The following CNNM2 variants were observed in gnomAD, a reference collection of about 807,000 sequenced individuals.
CNNM2 encodes cyclin and CBS domain divalent metal cation transport mediator 2.
In CNNM2, 12 loss-of-function variants were observed where a neutral mutation model predicts 66.9. The ratio of observed to expected loss-of-function variants is 0.18; its 90% CI spans 0.11 to 0.29. The LOEUF is 0.29. CNNM2 is among the 10% of genes least tolerant of loss of function. The pLI is 1.00. For missense variants in CNNM2, 705 were observed against 1,167.7 expected, an observed-to-expected ratio of 0.60 and a Z score of 5.77; for synonymous variants, 557 against 501.8, an observed-to-expected ratio of 1.11 and a Z score of -1.47.
intron 4 of CNNM2, among the ~76,000 whole-genome samples, chr10:103,058,712 G>A (rs1017081053): frequency 6.6e-6 from 1 of 152,140 alleles, no homozygotes; most frequent in African/African-American, 2.4e-5. Context: ...ATGCCATGGG[G>A]GTTTTACAAG....
chr10:102,971,492 G>A (rs192196916), intron 1 of CNNM2, among the ~76,000 whole-genome samples: 8 of 152,086 alleles, frequency 5.3e-5, no homozygotes, highest in Non-Finnish European at 1.2e-4. Context: ...CTTACTTGTC[G>A]CCATTATTAG....
chr10:103,025,926 A>G (rs1044160952), intron 1 of CNNM2, among the ~76,000 whole-genome samples: 8 of 152,196 alleles, frequency 5.3e-5, no homozygotes, highest in African/African-American at 1.9e-4. Flanking sequence ...CAATGCAAAC[A>G]CTGGGAGATG....
At chr10:102,927,513 A>G (rs1845912592) in intron 1 of CNNM2, 1 of 1,534,330 alleles carries the variant, frequency 6.5e-7, no homozygotes, top group Non-Finnish European at 8.8e-7. Flanking sequence ...TAATCCCGGC[A>G]CTTTGGGAGG....
Position 102,992,014 on chromosome 10 carries a change from C to T in CNNM2, c.1622-57693C>T, listed in dbSNP as rs548889783. 2.5e-3 allele frequency among the ~76,000 whole-genome samples: 388 copies of T among 152,226 alleles called. 4 individuals carry two copies. Among genetic ancestry groups the T allele is most frequent in the Non-Finnish European group, 4.1e-3 (281 of 68,006 alleles). ...TTTTCTCTATATACATTTGCATTTA[C>T]ATTACCTGTATGTACTATACATACA... On this transcript the variant is annotated intron_variant, in intron 1 of 7. Coordinates refer to ENST00000369878, the MANE Select transcript of CNNM2 (RefSeq NM_017649.5).
chr10:103,015,034 C>G (rs992921621), intron 1 of CNNM2, among the ~76,000 whole-genome samples: 1 of 152,142 alleles, frequency 6.6e-6, no homozygotes, highest in Non-Finnish European at 1.5e-5. Flanking sequence ...GTCAAATAGT[C>G]TCTTAAGAAT....
Position 102,919,614 on chromosome 10 carries a change from C to T in CNNM2, c.1134C>T (p.Leu378=), listed in dbSNP as rs2297785. The T allele has an allele frequency of 4.0e-3, 6,456 of 1,613,928 alleles. 188 individuals are homozygous for T. In the East Asian group the frequency reaches 0.076, roughly 19 times the overall value. The change falls in exon 1 of 8, where the codon CTC becomes CTT. Residue 378 remains leucine, a synonymous_variant. Transcript: ENST00000369878. ...CTGTGGGGGCCAACACCATCTTCCT[C>T]ACCAAGTTTTTCATGATGATGACCT... ...GLAVGANTIF[L]TKFFMMMTFP...
intron 1 of CNNM2, among the ~76,000 whole-genome samples, chr10:103,037,680 G>A (rs1287508505): frequency 6.6e-6 from 1 of 152,156 alleles, no homozygotes; most frequent in Non-Finnish European, 1.5e-5. Context: ...TAGAAATGTG[G>A]AGAGGGTAGT....
chr10:103,028,824 T>TTTC (rs2064762647), intron 1 of CNNM2, among the ~76,000 whole-genome samples: 2 of 123,290 alleles, frequency 1.6e-5, no homozygotes, highest in African/African-American at 3.0e-5. Context: ...CTTTTTTTTT[T>TTTC]TTTCTTTTTT....
intron 1 of CNNM2, among the ~76,000 whole-genome samples, chr10:102,954,395 A>AGGCATGAGACACCGTGCCT (rs1359958482): frequency 1.3e-5 from 2 of 152,106 alleles, no homozygotes; most frequent in African/African-American, 4.8e-5. Flanking sequence ...CTGGGAATAC[A>AGGCATGAGACACCGTGCCT]GGCATGAGAC....
intron 1 of CNNM2, among the ~76,000 whole-genome samples, chr10:103,009,614 C>T (rs980646560): frequency 6.8e-6 from 1 of 146,600 alleles, no homozygotes; most frequent in African/African-American, 2.5e-5. Context: ...TCGCTTGAGC[C>T]CAGGAGGTGG....
intron 1 of CNNM2, among the ~76,000 whole-genome samples, chr10:102,939,385 T>C (rs1027512371): frequency 1.3e-5 from 2 of 152,246 alleles, no homozygotes; most frequent in African/African-American, 2.4e-5. Context: ...CAATCTTGTT[T>C]CAAACAGTTA....
At chr10:102,986,619 TA>T (rs34820640) in intron 1 of CNNM2, among the ~76,000 whole-genome samples, 2 of 147,184 alleles carry the variant, frequency 1.4e-5, no homozygotes, top group Non-Finnish European at 1.5e-5. Flanking sequence ...TGTCTCTACT[TA>T]AAAAAAAAAG....
chr10:102,952,439 C>T (rs1305037442), intron 1 of CNNM2, among the ~76,000 whole-genome samples: 1 of 151,942 alleles, frequency 6.6e-6, no homozygotes, highest in Non-Finnish European at 1.5e-5. Context: ...TGGCGGGTGC[C>T]TGTAGTCCCA....
Position 102,918,994 on chromosome 10 carries a change from A to C in CNNM2, c.514A>C (p.Ile172Leu). 2 of 1,612,840 alleles carry C rather than the reference A, an allele frequency of 1.2e-6. No individual in the cohort carries two copies. Among genetic ancestry groups the C allele is most frequent in the Non-Finnish European group, 1.7e-6 (2 of 1,179,516 alleles). Residue 172 changes from isoleucine (I) to leucine (L), a missense_variant, in exon 1 of 8, where the codon ATC becomes CTC. Physicochemically the swap from Ile to Leu is conservative, Grantham distance 5. Coordinates refer to ENST00000369878, the MANE Select transcript of CNNM2 (RefSeq NM_017649.5). This position sits in a 1 kb window ranked among gnomAD's most constrained non-coding sequence, Gnocchi z 4.1. Reference sequence around the variant, plus strand: ...CATTCTCAACCGCCGCACCTCGGGCATCATCGAGATCGAGATCAAACCGCT... The same window carrying C: ...CATTCTCAACCGCCGCACCTCGGGCCTCATCGAGATCGAGATCAAACCGCT... ...HIILNRRTSG[I>L]IEIEIKPLRK...
In CNNM2 at chr10:103,084,929, C is replaced by T. The variant is rs191356552; in HGVS notation, c.*7749C>T. The T allele has an allele frequency of 2.0e-5, 3 of 152,210 alleles. No individual in the cohort carries two copies. Among genetic ancestry groups the T allele is most frequent in the African/African-American group, 4.8e-5 (2 of 41,526 alleles). 9.4% of individuals were successfully genotyped at this position (152,210 alleles called of 1,614,324 possible). ...TTTATTAAAGCCAAAAAGTTGAATT[C>T]TATTAGGTGGATAATAAACTCTTTT... On this transcript the variant is annotated 3_prime_UTR_variant, in exon 8 of 8. Transcript: ENST00000369878.
chr10:103,032,322 A>C (rs546580293), intron 1 of CNNM2, among the ~76,000 whole-genome samples: 2 of 152,172 alleles, frequency 1.3e-5, no homozygotes, highest in South Asian at 4.2e-4. Flanking sequence ...GTGATGGTGC[A>C]CATCTGTAAT....
At chr10:102,951,064 T>A (rs563910280) in intron 1 of CNNM2, among the ~76,000 whole-genome samples, 418 of 146,294 alleles carry the variant, frequency 2.9e-3, no homozygotes, top group Non-Finnish European at 4.1e-3. Flanking sequence ...CTCAGCTCAC[T>A]GCAACCTCTG....
rs745821665 is a variant in CNNM2, at chr10:102,920,091, A to G, written c.1611A>G (p.Glu537=). Residue 537 remains glutamate (E), a synonymous_variant, in exon 1 of 8, where the codon GAA becomes GAG. Coordinates refer to ENST00000369878, the MANE Select transcript of CNNM2 (RefSeq NM_017649.5). ...NDTKLDAMLE[E]FKKGKSHLAI... ...CCAAGTTGGACGCTATGCTGGAAGA[A>G]TTTAAGAAAGGTGGGAAATTTTGGT... The G allele has an allele frequency of 5.6e-6, 9 of 1,614,082 alleles. No individual in the cohort carries two copies. The East Asian group carries it at 2.0e-4, about 36-fold the overall frequency.
At chr10:102,931,767 G>T (rs1590267524) in intron 1 of CNNM2, among the ~76,000 whole-genome samples, 1 of 151,706 alleles carries the variant, frequency 6.6e-6, no homozygotes, top group Middle Eastern at 3.4e-3. Flanking sequence ...TTTCAAAGTG[G>T]CTGCACCATT....
Sources: allele counts gnomAD v4.1 joint callset (sites outside exome capture counted in the v4.1 genomes callset), GRCh38; gene constraint gnomAD v4.1.1; non-coding constraint Gnocchi (gnomAD v3.1); transcripts MANE v1.5; gene names NCBI Gene and HGNC (gene_info 2026-07-23, HGNC 2026-07-21).